ABHD2: variants seen among roughly 807,000 people sequenced by gnomAD.
ABHD2 encodes the protein abhydrolase domain containing 2, acylglycerol lipase.
ABHD2 carries 20 observed loss-of-function variants against 48.1 expected under a neutral mutation model. The ratio of observed to expected loss-of-function variants is 0.42; its 90% CI spans 0.29 to 0.60. The LOEUF is 0.60. ABHD2 is among the 20% of genes least tolerant of loss of function. The pLI is 0.24. For synonymous variants in ABHD2, 209 were observed against 214.2 expected, an observed-to-expected ratio of 0.98 and a Z score of 0.21; for missense variants, 405 against 550.9, an observed-to-expected ratio of 0.74 and a Z score of 2.65.
the ABHD2 span, among the ~76,000 whole-genome samples, chr15:89,057,817 C>T: frequency 1.3e-5 from 2 of 151,600 alleles, no homozygotes; most frequent in Non-Finnish European, 2.9e-5. Flanking sequence ...TTTCCAATCA[C>T]ACTGTCCTAA....
chr15:89,176,993 T>C lies in ABHD2; in HGVS notation c.722+998T>C, dbSNP rs1012600140. ...TATTATTTCTAAAAATACATATTAC[T>C]GGAATTTAAAGCCAGCACACCCAAA... On this transcript the variant is annotated intron_variant, in intron 6 of 10. Transcript: ENST00000352732. This position sits in a 1 kb window ranked among gnomAD's most constrained non-coding sequence, Gnocchi z 4.5. Among the ~76,000 whole-genome samples, 2 of 152,216 alleles carry C rather than the reference T, an allele frequency of 1.3e-5. No homozygotes were observed. Among genetic ancestry groups the C allele is most frequent in the Non-Finnish European group, 2.9e-5 (2 of 68,034 alleles).
Position 89,175,918 on chromosome 15 carries a change from A to G in ABHD2, c.645A>G (p.Lys215=). The G allele has an allele frequency of 6.2e-7, 1 of 1,614,072 alleles. No homozygotes were observed. The highest frequency in any genetic ancestry group is 8.5e-7 in the Non-Finnish European group (1 of 1,179,996). ...GCCTGGGTGGTAACATTGTGTGCAA[A>G]TACTTGGGGGAGACTCAGGCAAACC... ...GFSLGGNIVC[K]YLGETQANQE... is the part of the protein sequence containing the mutation. Residue 215 remains lysine, a synonymous_variant, in exon 6 of 11, where the codon AAA becomes AAG. Coordinates refer to ENST00000352732, the MANE Select transcript of ABHD2 (RefSeq NM_152924.5). This position sits in a 1 kb window ranked among gnomAD's most constrained non-coding sequence, Gnocchi z 5.7.
intron 1 of ABHD2, among the ~76,000 whole-genome samples, chr15:89,096,532 G>A (rs868091583): frequency 1.3e-5 from 2 of 152,204 alleles, no homozygotes; most frequent in African/African-American, 4.8e-5. Context: ...AGGAATCGAA[G>A]CTCTGGGAGG....
the ABHD2 span, among the ~76,000 whole-genome samples, chr15:89,057,195 T>C: frequency 6.6e-6 from 1 of 152,196 alleles, no homozygotes; most frequent in African/African-American, 2.4e-5. Flanking sequence ...ATTACAAGCA[T>C]GAGCCACTGC....
intron 3 of ABHD2, chr15:89,135,600 A>T (rs2050295921): frequency 6.5e-7 from 1 of 1,541,982 alleles, no homozygotes; most frequent in South Asian, 1.1e-5. Flanking sequence ...CATCTTCCTC[A>T]TCTTCCTCCT....
chr15:89,052,208 T>C, the ABHD2 span, among the ~76,000 whole-genome samples: 2 of 152,192 alleles, frequency 1.3e-5, no homozygotes, highest in African/African-American at 4.8e-5. Flanking sequence ...ATTGTGGGGC[T>C]GGACCTGCCC....
the ABHD2 span, among the ~76,000 whole-genome samples, chr15:89,066,447 A>G: frequency 3.3e-5 from 5 of 152,278 alleles, no homozygotes; most frequent in African/African-American, 9.6e-5. Flanking sequence ...CTTAGGGCCT[A>G]CCTTAATCCA....
chr15:89,043,358 C>G, the ABHD2 span, among the ~76,000 whole-genome samples: 2 of 151,968 alleles, frequency 1.3e-5, no homozygotes, highest in Non-Finnish European at 2.9e-5. Flanking sequence ...CCCAGGAATT[C>G]AAGGTTAGGG....
chr15:89,098,628 C>T (rs1402936611), intron 1 of ABHD2, among the ~76,000 whole-genome samples: 1 of 152,194 alleles, frequency 6.6e-6, no homozygotes, highest in African/African-American at 2.4e-5. Context: ...AAATAAAGTG[C>T]TTGCTCATTC....
In ABHD2 at chr15:89,195,470, C is replaced by T. The variant is rs768067340; in HGVS notation, c.*47C>T. ...TCCAGCAGCCCTCCTCTGGAAGCTG[C>T]GTCCCCTCACCCCCTGTTTCAGGTC... is the stretch of plus-strand genomic sequence containing the variant. On this transcript the variant is annotated 3_prime_UTR_variant, in exon 11 of 11. Coordinates refer to ENST00000352732, the MANE Select transcript of ABHD2 (RefSeq NM_152924.5). This position sits in a 1 kb window ranked among gnomAD's most constrained non-coding sequence, Gnocchi z 5.1. 26 of 1,576,768 alleles carry T rather than the reference C, an allele frequency of 1.6e-5. No individual in the cohort carries two copies. The highest frequency in any genetic ancestry group is 2.3e-5 in the East Asian group (1 of 44,034).
chr15:89,144,209 C>T (rs8035659), intron 3 of ABHD2, among the ~76,000 whole-genome samples: 8,195 of 152,224 alleles, frequency 0.054, 769 homozygotes, highest in African/African-American at 0.19. Context: ...TCTCAGCTCA[C>T]TGCAACCTCC....
At chr15:89,110,193 G>A (rs530444840) in intron 1 of ABHD2, among the ~76,000 whole-genome samples, 2 of 151,968 alleles carry the variant, frequency 1.3e-5, no homozygotes, top group Non-Finnish European at 2.9e-5. Flanking sequence ...GCCTCAGCCT[G>A]GGATTACAGG....
At chr15:89,050,563 G>A in the ABHD2 span, among the ~76,000 whole-genome samples, 5 of 152,170 alleles carry the variant, frequency 3.3e-5, no homozygotes, top group East Asian at 5.8e-4. Flanking sequence ...CCCACTGCAC[G>A]TGTTCCCACA....
chr15:89,172,661 C>T (rs2050948927), intron 5 of ABHD2, among the ~76,000 whole-genome samples: 1 of 152,206 alleles, frequency 6.6e-6, no homozygotes, highest in Admixed American at 6.5e-5. Context: ...TTATTATGCT[C>T]TGGACCCTGA....
At chr15:89,125,992 G>A (rs1290954856) in intron 3 of ABHD2, among the ~76,000 whole-genome samples, 2 of 152,180 alleles carry the variant, frequency 1.3e-5, no homozygotes, top group Non-Finnish European at 2.9e-5. Flanking sequence ...ATTTAGTTCA[G>A]ATGGAAAAAG....
chr15:89,108,815 C>G (rs1419109108), intron 1 of ABHD2, among the ~76,000 whole-genome samples: 1 of 152,238 alleles, frequency 6.6e-6, no homozygotes, highest in African/African-American at 2.4e-5. Context: ...ACTGTGTAAT[C>G]ATCTATGAAG....
the ABHD2 span, among the ~76,000 whole-genome samples, chr15:89,069,648 T>C: frequency 6.7e-6 from 1 of 148,796 alleles, no homozygotes. Context: ...CACAGAAGCA[T>C]TCTCCTGTCA....
chr15:89,162,493 C>A (rs955949632), intron 5 of ABHD2, among the ~76,000 whole-genome samples: 5 of 152,112 alleles, frequency 3.3e-5, no homozygotes, highest in Non-Finnish European at 5.9e-5. Context: ...AGTCCACCAT[C>A]AGGCCCCCTA....
rs1487066255 is a variant in ABHD2 at position 89,176,292 on chromosome 15, G to C, written c.722+297G>C. On this transcript the variant is annotated intron_variant, in intron 6 of 10. Coordinates refer to ENST00000352732, the MANE Select transcript of ABHD2 (RefSeq NM_152924.5). This position sits in a 1 kb window ranked among gnomAD's most constrained non-coding sequence, Gnocchi z 4.5. Reference sequence around the variant, plus strand: ...GAATCTCTGTCAGGTGACTTAATTTGTTCAGGCTTCAGGAGTTTTTATAGA... The same window carrying C: ...GAATCTCTGTCAGGTGACTTAATTTCTTCAGGCTTCAGGAGTTTTTATAGA... Among the ~76,000 whole-genome samples, 1 of 152,112 alleles carries C rather than the reference G, an allele frequency of 6.6e-6. No individual in the cohort carries two copies. The highest frequency in any genetic ancestry group is 6.5e-5 in the Admixed American group (1 of 15,270).
Sources: gnomAD v4.1 joint callset for allele counts (sites outside exome capture counted in the v4.1 genomes callset) on GRCh38, gnomAD v4.1.1 for gene constraint, Gnocchi (gnomAD v3.1) non-coding constraint, MANE v1.5 for transcripts, NCBI Gene and HGNC (gene_info 2026-07-23, HGNC 2026-07-21) for gene names.